The following LHFPL6 variants were observed in gnomAD, a reference collection of about 807,000 sequenced individuals.
The protein encoded by LHFPL6 is LHFPL tetraspan subfamily member 6 protein.
In LHFPL6, 9 loss-of-function variants were observed where a neutral mutation model predicts 20.6. The ratio of observed to expected loss-of-function variants is 0.44; its 90% confidence interval spans 0.26 to 0.76. The LOEUF (loss-of-function observed/expected upper bound fraction) is 0.76, where lower values mean the gene tolerates loss of function less well. Among genes scored for constraint, LHFPL6 ranks in the 30% least tolerant of loss-of-function variants. The pLI is 0.20. For synonymous variants in LHFPL6, 105 were observed against 98.7 expected, an observed-to-expected ratio of 1.06 and a Z score of -0.38; for missense variants, 218 against 253.5, an observed-to-expected ratio of 0.86 and a Z score of 0.95.
intron 2 of LHFPL6, among the ~76,000 whole-genome samples, chr13:39,390,079 C>T (rs1381608210): frequency 6.6e-6 from 1 of 152,058 alleles, no homozygotes; most frequent in African/African-American, 2.4e-5. Context: ...AGAAATAATT[C>T]CTCTTCTTAC....
chr13:39,492,623 A>AT, intron 2 of LHFPL6, among the ~76,000 whole-genome samples: 1 of 151,996 alleles, frequency 6.6e-6, no homozygotes, highest in Non-Finnish European at 1.5e-5. Flanking sequence ...AAAAAGGTAA[A>AT]TTTTTATATT....
intron 2 of LHFPL6, among the ~76,000 whole-genome samples, chr13:39,535,761 G>C (rs1278098439): frequency 6.6e-6 from 1 of 152,180 alleles, no homozygotes; most frequent in Non-Finnish European, 1.5e-5. Flanking sequence ...AGATTTGTTA[G>C]AGACAAAACC....
At chr13:39,523,547 G>GAAAA (rs10588059) in intron 2 of LHFPL6, among the ~76,000 whole-genome samples, 1 of 130,000 alleles carries the variant, frequency 7.7e-6, no homozygotes. Flanking sequence ...GTCTCAAAAG[G>GAAAA]AAAAAAAAAA....
intron 2 of LHFPL6, among the ~76,000 whole-genome samples, chr13:39,380,315 A>G (rs1464943182): frequency 6.6e-6 from 1 of 152,160 alleles, no homozygotes; most frequent in Non-Finnish European, 1.5e-5. Context: ...TAAGAAAAAT[A>G]GTAACATTTA....
At chr13:39,388,268 T>C (rs1191872390) in intron 2 of LHFPL6, among the ~76,000 whole-genome samples, 2 of 152,242 alleles carry the variant, frequency 1.3e-5, no homozygotes, top group African/African-American at 2.4e-5. Context: ...TTTTAATTCA[T>C]GTGACAGAAA....
chr13:39,517,885 T>C (rs963832862), intron 2 of LHFPL6, among the ~76,000 whole-genome samples: 2 of 152,288 alleles, frequency 1.3e-5, no homozygotes, highest in Admixed American at 6.5e-5. Context: ...ATTTAGAAGA[T>C]AAATTATGTG....
At chr13:39,429,501 T>C (rs754944791) in intron 2 of LHFPL6, among the ~76,000 whole-genome samples, 15 of 152,192 alleles carry the variant, frequency 9.9e-5, no homozygotes, top group Non-Finnish European at 2.1e-4. Context: ...TCTTTAAATT[T>C]AAAGTGCATT....
At chr13:39,357,494 C>T (rs1869757587) in intron 3 of LHFPL6, among the ~76,000 whole-genome samples, 1 of 152,162 alleles carries the variant, frequency 6.6e-6, no homozygotes, top group African/African-American at 2.4e-5. Context: ...GGCTCCCTAG[C>T]CAGAGCAACC....
chr13:39,511,134 A>G (rs1020173243), intron 2 of LHFPL6, among the ~76,000 whole-genome samples: 14 of 152,100 alleles, frequency 9.2e-5, no homozygotes, highest in African/African-American at 2.4e-5. Context: ...CAGCCTCCCA[A>G]AGTGCTGAGA....
chr13:39,448,607 T>C (rs1872356860), intron 2 of LHFPL6, among the ~76,000 whole-genome samples: 2 of 152,224 alleles, frequency 1.3e-5, no homozygotes, highest in South Asian at 4.1e-4. Context: ...GTTCTAGATT[T>C]AAATATGGAA....
intron 2 of LHFPL6, among the ~76,000 whole-genome samples, chr13:39,598,862 CTACTAACAAACTA>C (rs1872847384): frequency 6.6e-6 from 1 of 152,136 alleles, no homozygotes; most frequent in South Asian, 2.1e-4. Context: ...CGGCCAGCTG[CTACTAACAAACTA>C]TACTCTTAGC....
intron 2 of LHFPL6, among the ~76,000 whole-genome samples, chr13:39,506,299 G>A (rs1433774975): frequency 6.6e-6 from 1 of 152,156 alleles, no homozygotes; most frequent in East Asian, 1.9e-4. Context: ...GCACCTGAGG[G>A]TCCCGCTGCT....
chr13:39,565,253 G>A (rs1210649141), intron 2 of LHFPL6, among the ~76,000 whole-genome samples: 2 of 141,440 alleles, frequency 1.4e-5, no homozygotes, highest in African/African-American at 2.5e-5. Flanking sequence ...ATCATAGAAT[G>A]ATAGTGTACC....
At chr13:39,602,334 T>C (rs973241926) in intron 1 of LHFPL6, among the ~76,000 whole-genome samples, 20 of 152,056 alleles carry the variant, frequency 1.3e-4, no homozygotes, top group Admixed American at 1.3e-3. Context: ...AATTTCCCCC[T>C]TTCTTCACCT....
intron 2 of LHFPL6, among the ~76,000 whole-genome samples, chr13:39,455,478 A>G (rs1178363905): frequency 6.6e-6 from 1 of 152,220 alleles, no homozygotes; most frequent in Non-Finnish European, 1.5e-5. Flanking sequence ...AATCATTTGA[A>G]TACCAAATCC....
chr13:39,551,885 G>C (rs568824369), intron 2 of LHFPL6, among the ~76,000 whole-genome samples: 1 of 151,586 alleles, frequency 6.6e-6, no homozygotes, highest in African/African-American at 2.4e-5. Context: ...AGGGACAAAA[G>C]TAATATTTTT....
intron 3 of LHFPL6, among the ~76,000 whole-genome samples, chr13:39,364,668 T>C (rs1869965135): frequency 6.6e-6 from 1 of 152,150 alleles, no homozygotes; most frequent in South Asian, 2.1e-4. Context: ...TTTTTTTTAA[T>C]TAACTGTAAA....
intron 2 of LHFPL6, among the ~76,000 whole-genome samples, chr13:39,599,149 C>T (rs558155594): frequency 6.6e-6 from 1 of 152,264 alleles, no homozygotes; most frequent in South Asian, 2.1e-4. Context: ...ACTGATTTCT[C>T]TTTGTAAGCA....
At chr13:39,573,887 C>T (rs1426065427) in intron 2 of LHFPL6, among the ~76,000 whole-genome samples, 2 of 151,818 alleles carry the variant, frequency 1.3e-5, no homozygotes, top group East Asian at 1.9e-4. Context: ...AATATTTTTC[C>T]TCTATCATTT....
Sources: gnomAD v4.1 joint callset for allele counts (sites outside exome capture counted in the v4.1 genomes callset) on GRCh38, gnomAD v4.1.1 for gene constraint, MANE v1.5 for transcripts, NCBI Gene and HGNC (gene_info 2026-07-23, HGNC 2026-07-21) for gene names.